CACNA1D: variants seen among roughly 807,000 people sequenced by gnomAD.
The protein encoded by CACNA1D is calcium voltage-gated channel subunit alpha1 D, also known as voltage-dependent L-type calcium channel subunit alpha-1D.
CACNA1D carries 55 observed loss-of-function variants against 257.1 expected under a neutral mutation model. That is an observed-to-expected ratio of 0.21 (90% CI 0.17 to 0.27). The LOEUF (loss-of-function observed/expected upper bound fraction) is 0.27. CACNA1D is among the 10% of genes least tolerant of loss of function. The pLI, the probability that CACNA1D is intolerant of heterozygous loss-of-function variation, is 1.00. For missense variants in CACNA1D, 1,876 were observed against 2,784.0 expected, an observed-to-expected ratio of 0.67 and a Z score of 7.34; for synonymous variants, 980 against 1,014.9, an observed-to-expected ratio of 0.97 and a Z score of 0.65.
chr3:53,563,648 A>G (rs772119725), intron 3 of CACNA1D, among the ~76,000 whole-genome samples: 2 of 152,130 alleles, frequency 1.3e-5, no homozygotes, highest in South Asian at 4.1e-4. Context: ...AGTTTATATA[A>G]ATGGAATTAT....
Position 53,811,665 on chromosome 3 carries a change from G to T in CACNA1D, c.*259G>T. ...AGGCCCCGCCCTCTCACAGAGGATGGGTGAGGAGGCCAGACCTGCCCTGCC... is the reference window on the plus strand; with the variant it reads ...AGGCCCCGCCCTCTCACAGAGGATGTGTGAGGAGGCCAGACCTGCCCTGCC... On this transcript the variant is annotated 3_prime_UTR_variant, in exon 48 of 48. Coordinates refer to ENST00000350061, the MANE Select transcript of CACNA1D (RefSeq NM_001128840.3). The surrounding 1 kb of genome is among the most constrained non-coding windows in gnomAD (Gnocchi z 4.2). The T allele has an allele frequency of 2.6e-6, 1 of 382,472 alleles. No individual in the cohort carries two copies. The highest frequency in any genetic ancestry group is 4.7e-6 in the Non-Finnish European group (1 of 212,168). 23.7% of individuals were successfully genotyped at this position (382,472 alleles called of 1,614,324 possible).
At chr3:53,740,399 C>G (rs1244841330) in intron 21 of CACNA1D, 60 bp downstream of exon 21, 1 of 1,162,404 alleles carries the variant, frequency 8.6e-7, no homozygotes, top group Admixed American at 1.7e-5. Flanking sequence ...AATAGTTGCA[C>G]TTCTTTGTTT....
intron 3 of CACNA1D, among the ~76,000 whole-genome samples, chr3:53,580,644 G>T (rs1009116552): frequency 6.6e-6 from 1 of 152,154 alleles, no homozygotes; most frequent in Non-Finnish European, 1.5e-5. Flanking sequence ...ACCTCACTTG[G>T]CCCTTTTTGG....
At chr3:53,776,553 A>G (rs1425953624) in intron 35 of CACNA1D, 50 bp from the exon 36 acceptor site, 2 of 1,612,842 alleles carry the variant, frequency 1.2e-6, no homozygotes, top group Admixed American at 3.3e-5. Flanking sequence ...CTCAGTTCTA[A>G]CGCAATCCAG....
chr3:53,758,441 G>A (rs373565391), intron 29 of CACNA1D, among the ~76,000 whole-genome samples: 39 of 152,120 alleles, frequency 2.6e-4, no homozygotes, highest in South Asian at 2.1e-4. Flanking sequence ...ATTTGCAACC[G>A]TTCCACAAAC....
chr3:53,510,864 G>A (rs2091076783), intron 3 of CACNA1D, among the ~76,000 whole-genome samples: 1 of 152,162 alleles, frequency 6.6e-6, no homozygotes, highest in Admixed American at 6.5e-5. Flanking sequence ...AATCTATTTT[G>A]CACCAGTGAC....
intron 8 of CACNA1D, among the ~76,000 whole-genome samples, chr3:53,680,989 T>C (rs796262154): frequency 5.9e-5 from 9 of 151,930 alleles, no homozygotes; most frequent in African/African-American, 1.9e-4. Flanking sequence ...TTCATTTTAA[T>C]GTTTCAACAG....
chr3:53,745,521 G>A, intron 23 of CACNA1D, 103 bp from the exon 24 acceptor site: 1 of 742,260 alleles, frequency 1.3e-6, no homozygotes, highest in Non-Finnish European at 2.4e-6. Context: ...GATTAGAGGT[G>A]TGAGCCACTG....
chr3:53,796,278 A>G, intron 40 of CACNA1D: 2 of 454,526 alleles, frequency 4.4e-6, no homozygotes, highest in Non-Finnish European at 8.9e-6. Flanking sequence ...GTGATGGGGA[A>G]CAGGCTCTGC....
chr3:53,808,889 A>T, intron 46 of CACNA1D, 119 bp downstream of exon 46: 1 of 1,024,374 alleles, frequency 9.8e-7, no homozygotes, highest in Non-Finnish European at 1.5e-6. Context: ...ATCTTCACCT[A>T]CAGTCTAGTT....
At chr3:53,520,778 AT>A (rs1219422864) in intron 3 of CACNA1D, among the ~76,000 whole-genome samples, 1 of 140,524 alleles carries the variant, frequency 7.1e-6, no homozygotes, top group East Asian at 2.1e-4. Context: ...AAAAAAAAAA[AT>A]TATTGGTTTA....
Position 53,517,168 on chromosome 3 carries a change from G to A in CACNA1D, c.483+15448G>A, listed in dbSNP as rs1380405450. ...GCTGTCTGTTGAGAGAGGGCCTCGA[G>A]GAGAGGACTTGGCTTCATCTTGCCT... On this transcript the variant is annotated intron_variant, in intron 3 of 47. Transcript: ENST00000350061. Among the ~76,000 whole-genome samples the A allele has an allele frequency of 4.6e-5, 7 of 151,654 alleles. No individual in the cohort carries two copies. In the South Asian group the frequency reaches 1.3e-3, roughly 27 times the overall value.
rs2091891144 is a variant in CACNA1D at position 53,529,936 on chromosome 3, CAAGT to C, written c.483+28220_483+28223del. Among the ~76,000 whole-genome samples, 4 of 152,160 alleles carry C rather than the reference CAAGT, an allele frequency of 2.6e-5. No individual in the cohort carries two copies. The South Asian group carries it at 8.3e-4, about 32-fold the overall frequency. On this transcript the variant is annotated intron_variant, in intron 3 of 47. Coordinates refer to ENST00000350061, the MANE Select transcript of CACNA1D (RefSeq NM_001128840.3). ...TCTCCTCTTTGGGTTGTATTTCTTC[CAAGT>C]AAGAGCTTAAATTCATGGGTCAGCT...
In CACNA1D at chr3:53,808,748, C is replaced by T. The variant is rs1289470286; in HGVS notation, c.5849C>T (p.Pro1950Leu). The T allele has an allele frequency of 6.2e-7, 1 of 1,607,794 alleles. No individual in the cohort carries two copies. Among genetic ancestry groups the T allele is most frequent in the Non-Finnish European group, 8.5e-7 (1 of 1,180,002 alleles). ...SPIFPHRTAL[P>L]LHLMQQQIMA... ...ATCTTCCCCCATCGCACGGCCCTGC[C>T]TCTGCATCTAATGCAGCAACAGGTG... Residue 1950 changes from proline (P) to leucine (L), a missense_variant, in exon 46 of 48, where the codon CCT becomes CTT. This residue lies in a region of CACNA1D where 491 missense variants were observed against 554.3 expected (regional missense o/e 0.89). Transcript: ENST00000350061.
At chr3:53,557,504 GAAAA>G (rs776033753) in intron 3 of CACNA1D, among the ~76,000 whole-genome samples, 40 of 145,988 alleles carry the variant, frequency 2.7e-4, no homozygotes, top group Non-Finnish European at 4.9e-4. Context: ...CAAAAAAAAA[GAAAA>G]AAAGAAAGAT....
chr3:53,634,070 T>A (rs1029985417), intron 3 of CACNA1D, among the ~76,000 whole-genome samples: 4 of 152,240 alleles, frequency 2.6e-5, no homozygotes, highest in Non-Finnish European at 4.4e-5. Context: ...CAAGGTGATA[T>A]GAGTGTGCCT....
At chr3:53,512,593 G>A (rs1291400900) in intron 3 of CACNA1D, among the ~76,000 whole-genome samples, 4 of 152,152 alleles carry the variant, frequency 2.6e-5, no homozygotes, top group Non-Finnish European at 5.9e-5. Flanking sequence ...GAGACGAACC[G>A]CATGGGGATG....
At chr3:53,555,854 G>A (rs964546328) in intron 3 of CACNA1D, among the ~76,000 whole-genome samples, 9 of 151,968 alleles carry the variant, frequency 5.9e-5, no homozygotes, top group Non-Finnish European at 1.2e-4. Context: ...AGTAAAAATC[G>A]GGGTGTGTGC....
At position 53,723,449 on chromosome 3, in the gene CACNA1D, T is replaced by C. The variant is rs2094902066; in HGVS notation, c.1682T>C (p.Val561Ala). Residue 561 changes from valine (V) to alanine (A), a missense_variant, in exon 13 of 48, where the codon GTC (valine) becomes GCC (alanine). Coordinates refer to ENST00000350061, the MANE Select transcript of CACNA1D (RefSeq NM_001128840.3). This position sits in a 1 kb window ranked among gnomAD's most constrained non-coding sequence, Gnocchi z 5.6. ...GTCTTTCCAGATATTGCCAACAAAG[T>C]CCTCTTGGCTCTGTTCACCTGCGAG... ...LTQIQDIANK[V>A]LLALFTCEML... is the part of the protein sequence containing the mutation. The C allele has an allele frequency of 6.2e-7, 1 of 1,613,910 alleles. No homozygotes were observed. The highest frequency in any genetic ancestry group is 1.1e-5 in the South Asian group (1 of 91,064).
Sources: allele counts gnomAD v4.1 joint callset (sites outside exome capture counted in the v4.1 genomes callset), GRCh38; gene constraint gnomAD v4.1.1; regional missense constraint gnomAD v4.1.1; non-coding constraint Gnocchi (gnomAD v3.1); transcripts MANE v1.5; gene names NCBI Gene and HGNC (gene_info 2026-07-23, HGNC 2026-07-21).